NFATC1: variants seen among roughly 807,000 people sequenced by gnomAD.
NFATC1 encodes nuclear factor of activated T cells 1.
In NFATC1, 22 loss-of-function variants were observed where a neutral mutation model predicts 76.0. The observed-to-expected ratio is 0.29, with a 90% CI of 0.21 to 0.41. NFATC1 has a LOEUF of 0.41. Among genes scored for constraint, NFATC1 ranks in the 10% least tolerant of loss-of-function variants. The probability of loss-of-function intolerance (pLI) is 1.00; values close to 1 mark genes in which losing one functional copy is unlikely to be tolerated. For missense variants in NFATC1, 1,357 were observed against 1,337.7 expected (o/e 1.01, Z -0.23); for synonymous variants, 704 against 613.1 (o/e 1.15, Z -2.19).
intron 1 of NFATC1, chr18:79,402,259 A>G: frequency 1.1e-6 from 1 of 893,480 alleles, no homozygotes; most frequent in Non-Finnish European, 1.3e-6. Flanking sequence ...CTAGTCTCAC[A>G]AGGACGCCAC....
Position 79,396,328 on chromosome 18 carries a change from G to A in NFATC1, c.104G>A (p.Gly35Asp), listed in dbSNP as rs200585424. ...ETLGPAPRAG[G>D]TMKSAEEEHY... ...TTGGGGCCCGCGCCGCGCGCCGGCG[G>A]CACCATGAAGTCAGCGGAGGAAGGT... is the stretch of plus-strand genomic sequence containing the variant. The change falls in exon 1 of 10, where the codon GGC becomes GAC. Residue 35 changes from glycine to aspartate, a missense_variant. Transcript: ENST00000427363. 1,395 of 1,405,140 alleles carry A rather than the reference G, an allele frequency of 9.9e-4. 10 individuals are homozygous for A. In the African/African-American group the frequency reaches 0.019, roughly 19 times the overall value. 87.0% of individuals were successfully genotyped at this position (1,405,140 alleles called of 1,614,324 possible).
chr18:79,504,841 T>A (rs2090090022), intron 9 of NFATC1, among the ~76,000 whole-genome samples: 1 of 139,018 alleles, frequency 7.2e-6, no homozygotes, highest in Admixed American at 7.1e-5. Flanking sequence ...TGGGAGGAGG[T>A]GGTGCTGGAG....
rs991339701 is a variant in NFATC1, at chr18:79,528,840, T to C, written c.*1263T>C. The C allele has an allele frequency of 9.8e-5, 15 of 152,528 alleles. No homozygotes were observed. Among genetic ancestry groups the C allele is most frequent in the African/African-American group, 3.6e-4 (15 of 41,414 alleles). The allele number at this position is 152,528 out of a possible 1,614,324, so 9.4% of individuals were successfully genotyped here. ...CTTGCTGGGCACTCTGTACAATTAGTTGCTTATTACGTATGATTACTCACA... is the reference window on the plus strand; with the variant it reads ...CTTGCTGGGCACTCTGTACAATTAGCTGCTTATTACGTATGATTACTCACA... On this transcript the variant is annotated 3_prime_UTR_variant, in exon 10 of 10. Coordinates refer to ENST00000427363, the MANE Select transcript of NFATC1 (RefSeq NM_001278669.2).
At chr18:79,452,911 A>T (rs550047596) in intron 6 of NFATC1, among the ~76,000 whole-genome samples, 1 of 152,210 alleles carries the variant, frequency 6.6e-6, no homozygotes, top group East Asian at 1.9e-4. Flanking sequence ...CCGCGGAGGC[A>T]TTCAGCCTTG....
intron 2 of NFATC1, among the ~76,000 whole-genome samples, chr18:79,425,977 C>T (rs546141277): frequency 4.6e-5 from 7 of 152,270 alleles, no homozygotes; most frequent in South Asian, 4.1e-4. Context: ...TTTGGGAGGC[C>T]GAGGCACCAG....
intron 9 of NFATC1, among the ~76,000 whole-genome samples, chr18:79,513,089 C>T (rs541795474): frequency 5.9e-5 from 9 of 152,326 alleles, no homozygotes; most frequent in African/African-American, 2.2e-4. Context: ...TTCGAACGCT[C>T]GGCTCTCAAT....
Position 79,411,365 on chromosome 18 carries a change from G to A in NFATC1, c.1090G>A (p.Ala364Thr). Reference sequence around the variant, plus strand: ...GGACCTGGGCAGCCCCCCGCCCCCGGCCGACTTCGCGCCCGAAGACTACTC... The same window carrying A: ...GGACCTGGGCAGCCCCCCGCCCCCGACCGACTTCGCGCCCGAAGACTACTC... ...GEDLGSPPPP[A>T]DFAPEDYSSF... Residue 364 changes from alanine (A) to threonine (T), a missense_variant, in exon 2 of 10, where the codon GCC (alanine) becomes ACC (threonine). By Grantham distance (58) the Ala-to-Thr change is moderately conservative. Transcript: ENST00000427363. The A allele has an allele frequency of 6.3e-7, 1 of 1,587,610 alleles. No individual in the cohort carries two copies. The highest frequency in any genetic ancestry group is 8.6e-7 in the Non-Finnish European group (1 of 1,169,296).
intron 9 of NFATC1, chr18:79,498,484 G>C (rs2089947383): frequency 6.6e-6 from 1 of 152,054 alleles, no homozygotes; most frequent in African/African-American, 2.4e-5. Flanking sequence ...AGATTATTTA[G>C]ACTGAGGAAC....
At chr18:79,415,484 A>T (rs548275808) in intron 2 of NFATC1, among the ~76,000 whole-genome samples, 4 of 150,788 alleles carry the variant, frequency 2.7e-5, no homozygotes, top group African/African-American at 4.9e-5. Context: ...GGGTTTCACC[A>T]TGTTAGCCAG....
chr18:79,399,795 C>T (rs1235756679), intron 1 of NFATC1, among the ~76,000 whole-genome samples: 2 of 152,210 alleles, frequency 1.3e-5, no homozygotes, highest in South Asian at 4.1e-4. Context: ...GCGCCACGAA[C>T]CCAGCGGGAA....
intron 8 of NFATC1, among the ~76,000 whole-genome samples, chr18:79,474,763 A>G (rs375885694): frequency 1.3e-4 from 19 of 148,510 alleles, no homozygotes; most frequent in South Asian, 8.6e-4. Flanking sequence ...GCGTGTTCTC[A>G]CGCTCACTGT....
intron 8 of NFATC1, among the ~76,000 whole-genome samples, chr18:79,471,429 A>G (rs2088782985): frequency 6.6e-6 from 1 of 152,214 alleles, no homozygotes; most frequent in African/African-American, 2.4e-5. Context: ...TACAAACTCA[A>G]AATTACCTAC....
chr18:79,456,043 C>G (rs1769502677), intron 6 of NFATC1, among the ~76,000 whole-genome samples: 1 of 152,212 alleles, frequency 6.6e-6, no homozygotes, highest in South Asian at 2.1e-4. Flanking sequence ...TGCCATGGGA[C>G]CGTGACCGGT....
At chr18:79,401,373 C>T (rs2085248977) in intron 1 of NFATC1, among the ~76,000 whole-genome samples, 1 of 152,180 alleles carries the variant, frequency 6.6e-6, no homozygotes, top group Admixed American at 6.5e-5. Context: ...ACTCCAACGT[C>T]TTGATCATTT....
At chr18:79,442,679 G>A (rs1358575488) in intron 3 of NFATC1, among the ~76,000 whole-genome samples, 5 of 152,164 alleles carry the variant, frequency 3.3e-5, no homozygotes, top group Admixed American at 6.5e-5. Flanking sequence ...GGTTGTTGGC[G>A]CCACGTGCTC....
chr18:79,441,335 G>A (rs528894429), intron 3 of NFATC1, among the ~76,000 whole-genome samples: 1 of 152,056 alleles, frequency 6.6e-6, no homozygotes, highest in East Asian at 2.0e-4. Flanking sequence ...GTAGCTGTCG[G>A]GCTCTGGAGG....
At chr18:79,475,488 C>T (rs1463260738) in intron 8 of NFATC1, among the ~76,000 whole-genome samples, 1 of 151,178 alleles carries the variant, frequency 6.6e-6, no homozygotes, top group African/African-American at 2.4e-5. Flanking sequence ...TTCACGCTCA[C>T]TGTCGACGTT....
Position 79,486,410 on chromosome 18 carries a change from C to T in NFATC1, c.2255C>T (p.Pro752Leu), listed in dbSNP as rs147651267. 4.3e-5 allele frequency: 70 copies of T among 1,612,676 alleles called. No homozygotes were observed. The highest frequency in any genetic ancestry group is 4.1e-4 in the African/African-American group (31 of 75,030). ...SCLVAGFPPCPQRSTLMPAAP... is the reference protein window; with the variant it reads ...SCLVAGFPPCLQRSTLMPAAP... ...CTCGTGGCCGGCTTCCCGCCCTGTC[C>T]GCAGAGAAGCACCCTGATGCCAGCG... The change falls in exon 9 of 10, where the codon CCG (proline) becomes CTG (leucine). Residue 752 changes from proline to leucine, a missense_variant. Physicochemically the swap from Pro to Leu is moderately conservative, Grantham distance 98. Coordinates refer to ENST00000427363, the MANE Select transcript of NFATC1 (RefSeq NM_001278669.2).
chr18:79,443,511 G>A (rs552470850), intron 3 of NFATC1, among the ~76,000 whole-genome samples: 6 of 152,170 alleles, frequency 3.9e-5, no homozygotes, highest in African/African-American at 1.2e-4. Flanking sequence ...CCGTCCCTCG[G>A]GGGGTGGGGA....
Sources: allele counts gnomAD v4.1 joint callset (sites outside exome capture counted in the v4.1 genomes callset), GRCh38; gene constraint gnomAD v4.1.1; transcripts MANE v1.5; gene names NCBI Gene and HGNC (gene_info 2026-07-23, HGNC 2026-07-21).